Variants in SLC13A3 observed in about 807,000 individuals in gnomAD.
The protein encoded by SLC13A3 is Na(+)/dicarboxylate cotransporter 3.
A neutral mutation model predicts 59.0 loss-of-function variants in SLC13A3; 40 were observed. The ratio of observed to expected loss-of-function variants is 0.68; its 90% CI spans 0.53 to 0.88. SLC13A3 has a LOEUF of 0.88. Ranked by LOEUF, SLC13A3 falls within the 40% of genes least tolerant of loss-of-function variation. The probability of loss-of-function intolerance (pLI) is 0.00; values close to 1 mark genes in which losing one functional copy is unlikely to be tolerated. For missense variants in SLC13A3, 699 were observed against 783.2 expected (o/e 0.89, Z 1.28); for synonymous variants, 317 against 330.3 (o/e 0.96, Z 0.44).
chr20:46,620,019 A>C (rs976232295), intron 1 of SLC13A3, among the ~76,000 whole-genome samples: 1 of 152,110 alleles, frequency 6.6e-6, no homozygotes, highest in African/African-American at 2.4e-5. Context: ...TAAAACACTC[A>C]CCTTCTCCAT....
chr20:46,604,899 GACCCCCAGTCCCC>G (rs1028528692), intron 3 of SLC13A3, among the ~76,000 whole-genome samples: 37 of 152,288 alleles, frequency 2.4e-4, no homozygotes, highest in African/African-American at 8.9e-4. Context: ...CTGACTTGGT[GACCCCCAGTCCCC>G]ACCATCGCTA....
chr20:46,658,103 C>T (rs1469790809), intron 1 of SLC13A3, among the ~76,000 whole-genome samples: 1 of 152,058 alleles, frequency 6.6e-6, no homozygotes, highest in African/African-American at 2.4e-5. Flanking sequence ...CTTGTCTTTG[C>T]TCCCCATGTG....
chr20:46,562,943 C>A (rs1301343513), intron 12 of SLC13A3, among the ~76,000 whole-genome samples: 1 of 152,166 alleles, frequency 6.6e-6, no homozygotes, highest in African/African-American at 2.4e-5. Context: ...GAGTCAGGAG[C>A]GGGAAGGGAG....
chr20:46,560,274 C>T, intron 12 of SLC13A3, 76 bp from the exon 13 acceptor site: 4 of 1,405,446 alleles, frequency 2.8e-6, no homozygotes, highest in Non-Finnish European at 4.0e-6. Flanking sequence ...GACTCAGAGA[C>T]AGGAAGTCAC....
At chr20:46,622,627 T>C (rs60799982) in intron 1 of SLC13A3, among the ~76,000 whole-genome samples, 10,919 of 43,522 alleles carry the variant, frequency 0.25, 463 homozygotes, top group East Asian at 0.36. Flanking sequence ...TGTGCGTGTG[T>C]GTGTGTGTGT....
At chr20:46,591,193 T>TAAAGAAAC (rs1287012757) in intron 6 of SLC13A3, among the ~76,000 whole-genome samples, 10 of 140,908 alleles carry the variant, frequency 7.1e-5, no homozygotes, top group African/African-American at 2.4e-4. Flanking sequence ...AATAAATAAA[T>TAAAGAAAC]AAACAAACAA....
intron 7 of SLC13A3, 121 bp from the exon 8 acceptor site, chr20:46,588,284 T>C (rs1008410499): frequency 1.2e-5 from 7 of 577,932 alleles, no homozygotes; most frequent in Admixed American, 3.3e-5. Flanking sequence ...CTGAGAAAGC[T>C]GAAGTCATCC....
At chr20:46,568,476 C>T (rs1281282233) in intron 10 of SLC13A3, among the ~76,000 whole-genome samples, 1 of 151,358 alleles carries the variant, frequency 6.6e-6, no homozygotes, top group Admixed American at 6.6e-5. Flanking sequence ...ACACTTGCCC[C>T]TACAATTTGA....
intron 11 of SLC13A3, among the ~76,000 whole-genome samples, chr20:46,565,648 G>C (rs1301205897): frequency 6.6e-6 from 1 of 152,180 alleles, no homozygotes; most frequent in African/African-American, 2.4e-5. Context: ...TTTAGCCCAG[G>C]AGTCATCAGC....
intron 1 of SLC13A3, among the ~76,000 whole-genome samples, chr20:46,634,097 C>T (rs1038303833): frequency 2.6e-5 from 4 of 152,174 alleles, no homozygotes; most frequent in Admixed American, 2.0e-4. Context: ...TGAGCACTTA[C>T]TATGTGTGAG....
intron 1 of SLC13A3, among the ~76,000 whole-genome samples, chr20:46,679,751 T>A (rs1166333588): frequency 6.6e-6 from 1 of 151,978 alleles, no homozygotes; most frequent in African/African-American, 2.4e-5. Context: ...TCACTAAAAA[T>A]TCAAAAATTA....
intron 10 of SLC13A3, among the ~76,000 whole-genome samples, chr20:46,574,858 G>A (rs1252330379): frequency 7.0e-6 from 1 of 143,102 alleles, no homozygotes; most frequent in African/African-American, 2.6e-5. Context: ...TTTTCTTAGA[G>A]ATGAGGTCTC....
At chr20:46,616,099 A>G (rs1367966737) in intron 1 of SLC13A3, among the ~76,000 whole-genome samples, 2 of 152,158 alleles carry the variant, frequency 1.3e-5, no homozygotes, top group Non-Finnish European at 2.9e-5. Flanking sequence ...CAAACTCCAC[A>G]ACCAAAAATT....
chr20:46,597,155 C>G (rs913244076), intron 4 of SLC13A3, among the ~76,000 whole-genome samples: 11 of 152,218 alleles, frequency 7.2e-5, no homozygotes, highest in Admixed American at 5.2e-4. Flanking sequence ...GTTTTGATAC[C>G]TTTCCCAGGA....
rs117284297 is a variant in SLC13A3, at chr20:46,664,866, G to C, written c.-31+5177C>G. On this transcript the variant is annotated intron_variant, in intron 1 of 12. Transcript: ENST00000290317. ...AGTCAAACGCAATGGCTTTGAGGCA[G>C]CAGGCAACATGACAGGTCTTAGCAT... is the stretch of plus-strand genomic sequence containing the variant. 3.9e-5 allele frequency among the ~76,000 whole-genome samples: 6 copies of C among 152,244 alleles called. No homozygotes were observed. In the East Asian group the frequency reaches 9.7e-4, roughly 25 times the overall value.
intron 10 of SLC13A3, among the ~76,000 whole-genome samples, chr20:46,571,777 G>A (rs116995286): frequency 1.3e-5 from 2 of 152,090 alleles, no homozygotes; most frequent in Non-Finnish European, 2.9e-5. Context: ...TATTCTAGAT[G>A]TGGGGGCTTG....
intron 1 of SLC13A3, among the ~76,000 whole-genome samples, chr20:46,657,281 G>A (rs1230561728): frequency 6.6e-6 from 1 of 151,238 alleles, no homozygotes; most frequent in East Asian, 1.9e-4. Context: ...GCTGAGGCAC[G>A]AAAATCATTT....
At chr20:46,565,369 C>A (rs1259948221) in intron 11 of SLC13A3, among the ~76,000 whole-genome samples, 2 of 152,212 alleles carry the variant, frequency 1.3e-5, no homozygotes, top group East Asian at 3.9e-4. Context: ...CTGTTCCTTG[C>A]AAATCTGCTA....
At chr20:46,574,569 C>T (rs960284624) in intron 10 of SLC13A3, among the ~76,000 whole-genome samples, 5 of 152,170 alleles carry the variant, frequency 3.3e-5, no homozygotes, top group Admixed American at 2.6e-4. Context: ...GCTCACAAAG[C>T]CCTCTGGAAT....
Sources: gnomAD v4.1 joint callset for allele counts (sites outside exome capture counted in the v4.1 genomes callset) on GRCh38, gnomAD v4.1.1 for gene constraint, MANE v1.5 for transcripts, NCBI Gene and HGNC (gene_info 2026-07-23, HGNC 2026-07-21) for gene names.